Variants in ADGRB3 observed in about 807,000 individuals in gnomAD.
ADGRB3 encodes adhesion G protein-coupled receptor B3, also known as brain-specific angiogenesis inhibitor 3.
ADGRB3 carries 37 observed loss-of-function variants against 193.4 expected under a neutral mutation model. The observed-to-expected ratio is 0.19, with a 90% CI of 0.15 to 0.25. The LOEUF is 0.25. Among genes scored for constraint, ADGRB3 ranks in the 10% least tolerant of loss-of-function variants. ADGRB3 has a pLI of 1.00. For synonymous variants in ADGRB3, 690 were observed against 644.2 expected (o/e 1.07, Z -1.08); for missense variants, 1,637 against 1,852.9 (o/e 0.88, Z 2.14).
chr6:69,225,170 G>C (rs1423490839), intron 17 of ADGRB3, among the ~76,000 whole-genome samples: 4 of 152,082 alleles, frequency 2.6e-5, no homozygotes, highest in Admixed American at 6.6e-5. Context: ...TAAACTCTTT[G>C]ATATCACAAG....
chr6:69,208,715 G>A (rs1765591431), intron 17 of ADGRB3, among the ~76,000 whole-genome samples: 1 of 152,224 alleles, frequency 6.6e-6, no homozygotes, highest in African/African-American at 2.4e-5. Context: ...AGGCAGGGTG[G>A]CAGGAGTGGA....
chr6:69,252,626 C>T (rs894095842), intron 20 of ADGRB3, among the ~76,000 whole-genome samples: 2 of 152,004 alleles, frequency 1.3e-5, no homozygotes, highest in African/African-American at 4.8e-5. Context: ...TTTTCATGTC[C>T]TTATAGGCCA....
At chr6:69,129,897 A>C (rs978295860) in intron 17 of ADGRB3, among the ~76,000 whole-genome samples, 1 of 152,078 alleles carries the variant, frequency 6.6e-6, no homozygotes, top group African/African-American at 2.4e-5. Flanking sequence ...ACTCTGTTTC[A>C]TTACCTTTTC....
chr6:68,639,706 C>A (rs1768037475), intron 3 of ADGRB3, among the ~76,000 whole-genome samples: 1 of 152,076 alleles, frequency 6.6e-6, no homozygotes, highest in African/African-American at 2.4e-5. Flanking sequence ...AGCCAGCATG[C>A]ACTAGAGATT....
chr6:68,952,603 C>T (rs1270669446), intron 6 of ADGRB3, among the ~76,000 whole-genome samples: 2 of 151,934 alleles, frequency 1.3e-5, no homozygotes, highest in Non-Finnish European at 2.9e-5. Flanking sequence ...ACATATGTAA[C>T]AAACCTGCAC....
At chr6:68,957,551 A>C (rs1562100046) in intron 8 of ADGRB3, among the ~76,000 whole-genome samples, 1 of 152,174 alleles carries the variant, frequency 6.6e-6, no homozygotes, top group Non-Finnish European at 1.5e-5. Flanking sequence ...CAACGTGCTG[A>C]ACCTAGAGAA....
chr6:69,142,544 G>A (rs1344580863), intron 17 of ADGRB3, among the ~76,000 whole-genome samples: 2 of 152,144 alleles, frequency 1.3e-5, no homozygotes, highest in African/African-American at 4.8e-5. Context: ...CAGCTGTCTT[G>A]CAAATTCATG....
At chr6:69,120,154 T>A (rs1269962592) in intron 17 of ADGRB3, among the ~76,000 whole-genome samples, 3 of 152,202 alleles carry the variant, frequency 2.0e-5, no homozygotes, top group Non-Finnish European at 4.4e-5. Flanking sequence ...TACAAATGGA[T>A]CAGGTTTGTG....
At chr6:68,995,218 G>A (rs955414398) in intron 11 of ADGRB3, among the ~76,000 whole-genome samples, 5 of 152,196 alleles carry the variant, frequency 3.3e-5, no homozygotes, top group East Asian at 3.9e-4. Context: ...TGTTAATAAA[G>A]TAACCAAGTA....
chr6:69,034,327 C>T (rs907581950), intron 13 of ADGRB3, among the ~76,000 whole-genome samples: 2 of 151,580 alleles, frequency 1.3e-5, no homozygotes, highest in Non-Finnish European at 3.0e-5. Flanking sequence ...CAAATAACAT[C>T]TATAGTATTT....
intron 20 of ADGRB3, among the ~76,000 whole-genome samples, chr6:69,256,245 C>T (rs974507906): frequency 6.6e-6 from 1 of 151,756 alleles, no homozygotes; most frequent in African/African-American, 2.4e-5. Flanking sequence ...TGAAGAAAGT[C>T]ATTGGTAGCT....
At position 69,110,931 on chromosome 6, in the gene ADGRB3, T is replaced by C. The variant is rs1259095581; in HGVS notation, c.2480+34893T>C. On this transcript the variant is annotated intron_variant, in intron 17 of 31. Transcript: ENST00000370598. ...TTCAATCTCAGAAAAATAGAGCCCATCTAGGAAAATCATGAAAGGAAATTA... is the reference window on the plus strand; with the variant it reads ...TTCAATCTCAGAAAAATAGAGCCCACCTAGGAAAATCATGAAAGGAAATTA... Among the ~76,000 whole-genome samples the C allele has an allele frequency of 2.0e-5, 3 of 152,198 alleles. No individual in the cohort carries two copies. In the East Asian group the frequency reaches 5.8e-4, roughly 29 times the overall value.
At chr6:68,883,440 G>A (rs536518280) in intron 3 of ADGRB3, among the ~76,000 whole-genome samples, 11 of 152,290 alleles carry the variant, frequency 7.2e-5, no homozygotes, top group Non-Finnish European at 1.6e-4. Flanking sequence ...CACGTTGTAG[G>A]AGCTTTGTTT....
intron 21 of ADGRB3, 51 bp downstream of exon 21, chr6:69,325,073 A>T: frequency 1.3e-6 from 2 of 1,571,918 alleles, no homozygotes; most frequent in Non-Finnish European, 1.7e-6. Flanking sequence ...GACGTTGAAC[A>T]CACATTAGAA....
chr6:68,659,574 T>TATTACATATATGTATATGTAACTATTACA (rs1311822543), intron 3 of ADGRB3, among the ~76,000 whole-genome samples: 9 of 151,052 alleles, frequency 6.0e-5, no homozygotes, highest in African/African-American at 2.2e-4. Context: ...ACTATTACAT[T>TATTACATATATGTATATGTAACTATTACA]TATATTACAA....
intron 17 of ADGRB3, among the ~76,000 whole-genome samples, chr6:69,175,297 T>A (rs559764671): frequency 1.3e-5 from 2 of 152,232 alleles, no homozygotes; most frequent in East Asian, 3.8e-4. Context: ...GTTTAACCCA[T>A]CTTGAGTCGA....
At chr6:69,069,540 T>C (rs1461227104) in intron 16 of ADGRB3, among the ~76,000 whole-genome samples, 43 of 51,554 alleles carry the variant, frequency 8.3e-4, no homozygotes, top group African/African-American at 2.5e-3. Flanking sequence ...AAACCCCGTC[T>C]CTACTAAAAA....
intron 3 of ADGRB3, among the ~76,000 whole-genome samples, chr6:68,879,476 C>G (rs1765678794): frequency 6.6e-6 from 1 of 152,042 alleles, no homozygotes; most frequent in African/African-American, 2.4e-5. Context: ...GATCCGCCCA[C>G]CTCGGCCTCC....
chr6:69,282,907 T>C (rs1767466457), intron 20 of ADGRB3, among the ~76,000 whole-genome samples: 1 of 152,180 alleles, frequency 6.6e-6, no homozygotes, highest in Non-Finnish European at 1.5e-5. Context: ...GGAGGTTCTG[T>C]TAAAATTCTA....
Sources: gnomAD v4.1 joint callset for allele counts (sites outside exome capture counted in the v4.1 genomes callset) on GRCh38, gnomAD v4.1.1 for gene constraint, MANE v1.5 for transcripts, NCBI Gene and HGNC (gene_info 2026-07-23, HGNC 2026-07-21) for gene names.